SLC25A33: variants seen among roughly 807,000 people sequenced by gnomAD.
SLC25A33 encodes the protein solute carrier family 25 member 33.
A neutral mutation model predicts 35.5 loss-of-function variants in SLC25A33; 15 were observed. That is an observed-to-expected ratio of 0.42 (90% CI 0.28 to 0.65). The LOEUF is 0.65. Ranked by LOEUF, SLC25A33 falls within the 30% of genes least tolerant of loss-of-function variation. The pLI is 0.20. For missense variants in SLC25A33, 257 were observed against 398.5 expected (o/e 0.64, Z 3.02); for synonymous variants, 136 against 148.7 (o/e 0.91, Z 0.62).
intron 5 of SLC25A33, among the ~76,000 whole-genome samples, chr1:9,574,772 A>G (rs1268747442): frequency 6.6e-6 from 1 of 152,248 alleles, no homozygotes. Flanking sequence ...CACAATAGCT[A>G]AGACCCAAAT....
chr1:9,575,481 G>C (rs1461003851), intron 5 of SLC25A33, among the ~76,000 whole-genome samples: 1 of 152,066 alleles, frequency 6.6e-6, no homozygotes, highest in African/African-American at 2.4e-5. Flanking sequence ...CAGGCGTGGT[G>C]GTGGGCGCCT....
At chr1:9,577,555 C>T (rs780116658) in intron 5 of SLC25A33, among the ~76,000 whole-genome samples, 1 of 151,978 alleles carries the variant, frequency 6.6e-6, no homozygotes, top group Admixed American at 6.6e-5. Context: ...GTGTAGTTGG[C>T]GTGTAGTACG....
At position 9,573,351 on chromosome 1, in the gene SLC25A33, A is replaced by C; in HGVS notation, c.421A>C (p.Ile141Leu). ...HIFSAGSAAF[I>L]TNSLMNPIWM... ...ACTGTTTTTTTTTTTTCCAGCTTTT[A>C]TCACAAATTCCTTAATGAATCCTAT... Residue 141 changes from isoleucine to leucine, a missense_variant, in exon 5 of 7, where the codon ATC (isoleucine) becomes CTC (leucine). Transcript: ENST00000302692. 1 of 1,588,034 alleles carries C rather than the reference A, an allele frequency of 6.3e-7. No homozygotes were observed. Among genetic ancestry groups the C allele is most frequent in the Non-Finnish European group, 8.6e-7 (1 of 1,168,316 alleles).
chr1:9,551,871 A>G (rs1201006246), intron 1 of SLC25A33, among the ~76,000 whole-genome samples: 2 of 152,180 alleles, frequency 1.3e-5, no homozygotes, highest in Non-Finnish European at 2.9e-5. Context: ...TTATAGAGCG[A>G]TGTTTTCCAG....
chr1:9,565,891 C>G (rs1367278506), intron 2 of SLC25A33, among the ~76,000 whole-genome samples: 3 of 149,212 alleles, frequency 2.0e-5, no homozygotes, highest in Admixed American at 2.0e-4. Flanking sequence ...AAAAAAAAAA[C>G]AAAGAAAAGA....
chr1:9,561,156 G>A (rs1480090515), intron 2 of SLC25A33, among the ~76,000 whole-genome samples: 2 of 151,998 alleles, frequency 1.3e-5, no homozygotes, highest in African/African-American at 4.8e-5. Context: ...TATTAGCCAG[G>A]ATGGACTCCA....
chr1:9,560,183 C>T (rs977740068), intron 2 of SLC25A33, among the ~76,000 whole-genome samples: 251 of 149,392 alleles, frequency 1.7e-3, no homozygotes, highest in Non-Finnish European at 3.8e-4. Flanking sequence ...ACCTGGGAGG[C>T]GGAGGTTGCA....
rs544566306 is a variant in SLC25A33, at chr1:9,545,441, A to C, written c.56+5694A>C. Among the ~76,000 whole-genome samples the C allele has an allele frequency of 7.2e-5, 11 of 152,214 alleles. 1 individual carries two copies. The East Asian group carries it at 2.1e-3, about 30-fold the overall frequency. On this transcript the variant is annotated intron_variant, in intron 1 of 6. Coordinates refer to ENST00000302692, the MANE Select transcript of SLC25A33 (RefSeq NM_032315.3). Reference sequence around the variant, plus strand: ...GAGACGGAGTCTCACTCTGTCGCCCAGGCTGGAGTGCAGTGGCGAGATCTT... The same window carrying C: ...GAGACGGAGTCTCACTCTGTCGCCCCGGCTGGAGTGCAGTGGCGAGATCTT...
intron 6 of SLC25A33, among the ~76,000 whole-genome samples, chr1:9,581,504 A>G (rs1016300544): frequency 6.6e-5 from 10 of 152,146 alleles, no homozygotes; most frequent in Non-Finnish European, 1.3e-4. Context: ...CAAGATGGGC[A>G]CATCACCTGA....
At position 9,579,979 on chromosome 1, in the gene SLC25A33, A is replaced by G. The variant is rs1349440618; in HGVS notation, c.508A>G (p.Thr170Ala). The G allele has an allele frequency of 4.3e-6, 7 of 1,613,564 alleles. No homozygotes were observed. In the Admixed American group the frequency reaches 6.7e-5, roughly 15 times the overall value. The change falls in exon 6 of 7, where the codon ACA becomes GCA. Residue 170 changes from threonine to alanine, a missense_variant. Transcript: ENST00000302692. ...AGTGAGGGGCTCTAAGCAGATGAAT[A>G]CACTCCAGTGTGCTCGTTACGTTTA... is the stretch of plus-strand genomic sequence containing the variant. ...QKVRGSKQMN[T>A]LQCARYVYQT... is the part of the protein sequence containing the mutation.
intron 1 of SLC25A33, among the ~76,000 whole-genome samples, chr1:9,541,209 A>C (rs1369551438): frequency 7.1e-6 from 1 of 140,792 alleles, no homozygotes; most frequent in Non-Finnish European, 1.5e-5. Context: ...GCTGGAGTGC[A>C]CTGGCGCCAT....
At chr1:9,549,996 C>CACAT (rs1553145240) in intron 1 of SLC25A33, among the ~76,000 whole-genome samples, 1 of 72,064 alleles carries the variant, frequency 1.4e-5, no homozygotes, top group Non-Finnish European at 2.2e-5. Flanking sequence ...TTTTTCTATA[C>CACAT]ATATATATAT....
chr1:9,563,324 A>T (rs2100393679), intron 2 of SLC25A33, among the ~76,000 whole-genome samples: 1 of 152,326 alleles, frequency 6.6e-6, no homozygotes, highest in Non-Finnish European at 1.5e-5. Flanking sequence ...GCCTACTACT[A>T]GCTCTTGAAG....
At chr1:9,568,539 AC>A (rs1257488101) in intron 3 of SLC25A33, among the ~76,000 whole-genome samples, 1 of 151,328 alleles carries the variant, frequency 6.6e-6, no homozygotes, top group East Asian at 2.0e-4. Context: ...AACTTGTCAT[AC>A]TCCAAGAGAC....
intron 5 of SLC25A33, among the ~76,000 whole-genome samples, chr1:9,574,743 G>A (rs1420039263): frequency 6.6e-6 from 1 of 152,128 alleles, no homozygotes; most frequent in Non-Finnish European, 1.5e-5. Context: ...TATGAAGGTG[G>A]CTTTAATACT....
At position 9,584,963 on chromosome 1, in the gene SLC25A33, C is replaced by T. The variant is rs1465551710; in HGVS notation, c.*2462C>T. On this transcript the variant is annotated 3_prime_UTR_variant, in exon 7 of 7. Coordinates refer to ENST00000302692, the MANE Select transcript of SLC25A33 (RefSeq NM_032315.3). ...GACTACTGGCCAGAAGCGATCTTAC[C>T]TCCTCAGCCTCCCAAAGCACTGGAA... The T allele has an allele frequency of 6.6e-6, 1 of 152,160 alleles. No individual in the cohort carries two copies. The highest frequency in any genetic ancestry group is 1.5e-5 in the Non-Finnish European group (1 of 68,030). 9.4% of individuals were successfully genotyped at this position (152,160 alleles called of 1,614,324 possible).
intron 1 of SLC25A33, among the ~76,000 whole-genome samples, chr1:9,548,789 T>G (rs1257199536): frequency 6.6e-6 from 1 of 152,178 alleles, no homozygotes; most frequent in Non-Finnish European, 1.5e-5. Context: ...AGCATGTAAC[T>G]GGCGGTTGAA....
At chr1:9,549,133 A>C (rs1488124779) in intron 1 of SLC25A33, among the ~76,000 whole-genome samples, 1 of 152,048 alleles carries the variant, frequency 6.6e-6, no homozygotes, top group Non-Finnish European at 1.5e-5. Context: ...ATGAGAAGGG[A>C]CTGGGTGGTA....
intron 5 of SLC25A33, chr1:9,576,731 A>G: frequency 1.2e-6 from 1 of 811,822 alleles, no homozygotes; most frequent in Non-Finnish European, 2.1e-6. Context: ...GTTATCCAGG[A>G]GGATGGGTCT....
Sources: gnomAD v4.1 joint callset for allele counts (sites outside exome capture counted in the v4.1 genomes callset) on GRCh38, gnomAD v4.1.1 for gene constraint, MANE v1.5 for transcripts, NCBI Gene and HGNC (gene_info 2026-07-23, HGNC 2026-07-21) for gene names.